The following SETD9 variants were observed in gnomAD, a reference collection of about 807,000 sequenced individuals.
SETD9 encodes the protein SET domain-containing protein 9.
Under a neutral mutation model 36.4 loss-of-function variants are expected in SETD9, and 37 were observed. The observed-to-expected ratio is 1.02, with a 90% CI of 0.78 to 1.34. The LOEUF is 1.34. Ranked by LOEUF, SETD9 falls within the 40% of genes most tolerant of loss-of-function variation. SETD9 has a pLI of 0.00. For synonymous variants in SETD9, 128 were observed against 132.9 expected (o/e 0.96, Z 0.26); for missense variants, 323 against 353.2 (o/e 0.91, Z 0.69).
At chr5:56,914,096 C>A in intron 4 of SETD9, 107 bp downstream of exon 4, 1 of 663,332 alleles carries the variant, frequency 1.5e-6, no homozygotes, top group Non-Finnish European at 2.6e-6. Flanking sequence ...ATATAATAAG[C>A]TAGTCAAGTC....
exon 6 of SETD9, chr5:56,925,494 C>A: frequency 3.5e-6 from 1 of 283,604 alleles, no homozygotes. Context: ...ATTTAAAACA[C>A]AAGACCATTT....
At chr5:56,921,366 AAC>A (rs1188150276), downstream of SETD9, 1 of 152,408 alleles carries the variant, frequency 6.6e-6, no homozygotes, top group Non-Finnish European at 1.5e-5. Flanking sequence ...ACAAGAAAGT[AAC>A]ACAGAGCCCA....
rs1334875263 is a variant in SETD9 at position 56,914,902 on chromosome 5, G to A, written c.748G>A (p.Ala250Thr). 1.9e-6 allele frequency: 3 copies of A among 1,602,352 alleles called. No homozygotes were observed. Among genetic ancestry groups the A allele is most frequent in the South Asian group, 1.1e-5 (1 of 89,620 alleles). The change falls in exon 5 of 6, where the codon GCA (alanine) becomes ACA (threonine). Residue 250 changes from alanine (A) to threonine (T), a missense_variant. Physicochemically the swap from Ala to Thr is moderately conservative, Grantham distance 58. Transcript: ENST00000285947. The part of the protein sequence containing the change: ...NVCYQEFDVP[A>T]VFPIELKQYL... ...CTGTTATCAGGAATTTGATGTGCCT[G>A]CAGTTTTCCCTATAGAACTGAAGCA...
intron 1 of SETD9, chr5:56,909,965 G>T: frequency 1.6e-6 from 2 of 1,221,144 alleles, no homozygotes; most frequent in South Asian, 1.6e-5. Flanking sequence ...GAGGTTGGTG[G>T]AGTCCGAGGC....
Position 56,916,831 on chromosome 5 carries a change from G to T in SETD9, c.829G>T (p.Val277Phe). 6.2e-7 allele frequency: 1 copy of T among 1,606,564 alleles called. No homozygotes were observed. The highest frequency in any genetic ancestry group is 8.5e-7 in the Non-Finnish European group (1 of 1,177,492). The change falls in exon 6 of 6, where the codon GTT (valine) becomes TTT (phenylalanine). Residue 277 changes from valine to phenylalanine, a missense_variant. Val to Phe is a conservative substitution (Grantham distance 50). Transcript: ENST00000285947. ...YDKQSPLRCV[V>F]LVALRDINQG... Reference sequence around the variant, plus strand: ...TGTTTTCAGCCCACTTCGATGTGTTGTTCTTGTCGCACTTAGGGACATCAA... The same window carrying T: ...TGTTTTCAGCCCACTTCGATGTGTTTTTCTTGTCGCACTTAGGGACATCAA...
intron 1 of SETD9, chr5:56,910,946 A>G (rs1185823465): frequency 5.5e-6 from 2 of 365,458 alleles, no homozygotes; most frequent in Non-Finnish European, 9.8e-6. Flanking sequence ...AGCATGTGGT[A>G]TAGAATGGGC....
chr5:56,909,964 G>T (rs930816220), intron 1 of SETD9: 114 of 1,215,340 alleles, frequency 9.4e-5, no homozygotes, highest in Non-Finnish European at 1.2e-4. Flanking sequence ...CGAGGTTGGT[G>T]GAGTCCGAGG....
chr5:56,910,443 C>T, intron 1 of SETD9: 3 of 1,264,616 alleles, frequency 2.4e-6, no homozygotes, highest in Non-Finnish European at 3.1e-6. Context: ...CAGCTCAACA[C>T]CGTGCTCACC....
At chr5:56,914,072 C>T (rs1749301283) in intron 4 of SETD9, 83 bp downstream of exon 4, 9 of 965,116 alleles carry the variant, frequency 9.3e-6, no homozygotes, top group Non-Finnish European at 1.5e-5. Context: ...GTGCCAAGGG[C>T]AGTTGAGTAT....
At chr5:56,917,477 A>T (rs975227783), downstream of SETD9, 1 of 306,002 alleles carries the variant, frequency 3.3e-6, no homozygotes. Context: ...AAAGTGCAAG[A>T]TAGTGTTGGT....
chr5:56,925,039 TAAGTGAAGTGG>T (rs1303450506), intron 5 of SETD9, among the ~76,000 whole-genome samples: 1 of 152,224 alleles, frequency 6.6e-6, no homozygotes, highest in Non-Finnish European at 1.5e-5. Context: ...CAATGTCTGG[TAAGTGAAGTGG>T]AAGGACATAA....
chr5:56,912,680 C>T (rs1296290915), intron 2 of SETD9, among the ~76,000 whole-genome samples: 1 of 152,060 alleles, frequency 6.6e-6, no homozygotes, highest in Non-Finnish European at 1.5e-5. Context: ...TTTCTTCAAA[C>T]TCTTTAGATG....
At chr5:56,912,382 G>T (rs985003584) in intron 2 of SETD9, 1 of 408,996 alleles carries the variant, frequency 2.4e-6, no homozygotes, top group Non-Finnish European at 3.3e-6. Context: ...GAGTCAGATA[G>T]ACCCAGGTTT....
intron 1 of SETD9, 52 bp downstream of exon 1, chr5:56,909,795 G>A: frequency 5.2e-6 from 7 of 1,352,840 alleles, no homozygotes; most frequent in Non-Finnish European, 6.0e-6. Context: ...GTTCCCAGAC[G>A]CCACCACGGC....
intron 1 of SETD9, chr5:56,910,150 A>G: frequency 8.2e-7 from 1 of 1,216,934 alleles, no homozygotes; most frequent in African/African-American, 1.6e-5. Flanking sequence ...GCAAAAATGG[A>G]AACTTTTTAA....
intron 5 of SETD9, chr5:56,922,928 G>A: frequency 1.7e-6 from 1 of 577,232 alleles, no homozygotes; most frequent in Non-Finnish European, 3.1e-6. Flanking sequence ...TCCCAACTCT[G>A]CTGATCATAG....
intron 5 of SETD9, chr5:56,922,855 G>A: frequency 2.4e-6 from 1 of 421,508 alleles, no homozygotes; most frequent in Non-Finnish European, 4.4e-6. Context: ...TGGGGAAGAG[G>A]TATTGGGAGA....
chr5:56,924,478 T>C (rs1239363052), intron 5 of SETD9, among the ~76,000 whole-genome samples: 1 of 152,208 alleles, frequency 6.6e-6, no homozygotes, highest in Non-Finnish European at 1.5e-5. Flanking sequence ...AAATTATATT[T>C]AGGTATATTT....
Position 56,917,222 on chromosome 5 carries a change from G to A in SETD9, c.*320G>A. ...CTTTTGTTTATTTTGTAAGCTCTGT[G>A]GTGGTTTATAAAATTGTAGCCAGGC... is the stretch of plus-strand genomic sequence containing the variant. On this transcript the variant is annotated 3_prime_UTR_variant, in exon 6 of 6. Transcript: ENST00000285947. The A allele has an allele frequency of 9.5e-7, 1 of 1,050,334 alleles. No individual in the cohort carries two copies. 65.1% of individuals were successfully genotyped at this position (1,050,334 alleles called of 1,614,324 possible). A position where few individuals can be genotyped will look rare whatever the true frequency, so the allele number is the denominator to read the frequency against.
Sources: gnomAD v4.1 joint callset for allele counts (sites outside exome capture counted in the v4.1 genomes callset) on GRCh38, gnomAD v4.1.1 for gene constraint, MANE v1.5 for transcripts, NCBI Gene and HGNC (gene_info 2026-07-23, HGNC 2026-07-21) for gene names.